Variants in SLC17A5 observed in about 807,000 individuals in gnomAD.
The protein encoded by SLC17A5 is sialin.
A neutral mutation model predicts 59.4 loss-of-function variants in SLC17A5; 47 were observed. The ratio of observed to expected loss-of-function variants is 0.79; its 90% CI spans 0.63 to 1.01. The LOEUF is 1.01. Among genes scored for constraint, SLC17A5 ranks in the 50% least tolerant of loss-of-function variants. SLC17A5 has a pLI of 0.00. For missense variants in SLC17A5, 522 were observed against 595.5 expected, an observed-to-expected ratio of 0.88 and a Z score of 1.28; for synonymous variants, 202 against 210.7, an observed-to-expected ratio of 0.96 and a Z score of 0.36.
At chr6:73,625,199 A>G (rs1363171988) in intron 6 of SLC17A5, among the ~76,000 whole-genome samples, 2 of 151,996 alleles carry the variant, frequency 1.3e-5, no homozygotes, top group Non-Finnish European at 2.9e-5. Flanking sequence ...ATTATTATTT[A>G]TTTATGAGAT....
chr6:73,625,364 T>C (rs1768357815), intron 6 of SLC17A5, among the ~76,000 whole-genome samples: 1 of 152,062 alleles, frequency 6.6e-6, no homozygotes, highest in South Asian at 2.1e-4. Flanking sequence ...TTTTTGTATT[T>C]TTAGTAGAGA....
chr6:73,613,468 C>T (rs1158063598), intron 8 of SLC17A5, among the ~76,000 whole-genome samples: 1 of 152,072 alleles, frequency 6.6e-6, no homozygotes, highest in Non-Finnish European at 1.5e-5. Context: ...TGGGTTCAAG[C>T]AATTCTCCTG....
chr6:73,620,427 A>C (rs942048987), intron 7 of SLC17A5, among the ~76,000 whole-genome samples: 2 of 152,214 alleles, frequency 1.3e-5, no homozygotes, highest in East Asian at 3.8e-4. Context: ...AGAACTTGGG[A>C]AAAATAAGAT....
In SLC17A5 at chr6:73,644,489, G is replaced by T; in HGVS notation, c.209C>A (p.Ser70Ter). The T allele has an allele frequency of 6.2e-7, 1 of 1,613,898 alleles. No homozygotes were observed. The highest frequency in any genetic ancestry group is 1.1e-5 in the South Asian group (1 of 91,062). The change falls in exon 2 of 11, where the codon TCA becomes TAA. Residue 70 changes from serine (S) to a stop codon, truncating the protein, a stop_gained. Transcript: ENST00000355773. LOFTEE classifies it high-confidence loss of function. ...LSVALVDMVD[S>*]NTTLEDNRTS... ...TCTATTATCTTCTAAAGTTGTATTT[G>T]AATCTACCATATCCACTAACGCAAC...
chr6:73,647,792 G>C (rs1250278491), intron 1 of SLC17A5, among the ~76,000 whole-genome samples: 1 of 152,232 alleles, frequency 6.6e-6, no homozygotes, highest in Non-Finnish European at 1.5e-5. Context: ...AAGCGGCCAG[G>C]CACGGTGGCT....
At chr6:73,627,989 C>A (rs140633010) in intron 6 of SLC17A5, among the ~76,000 whole-genome samples, 2,958 of 151,592 alleles carry the variant, frequency 0.02, 51 homozygotes, top group Non-Finnish European at 0.032. Context: ...GGCGCGATCA[C>A]GGCTACTGCA....
chr6:73,599,359 A>G (rs1252837531), intron 10 of SLC17A5, among the ~76,000 whole-genome samples: 3 of 151,970 alleles, frequency 2.0e-5, no homozygotes, highest in Non-Finnish European at 4.4e-5. Flanking sequence ...TACAGGTACA[A>G]ACCACACCCA....
At chr6:73,595,708 T>C (rs1241341569) in intron 10 of SLC17A5, among the ~76,000 whole-genome samples, 1 of 151,952 alleles carries the variant, frequency 6.6e-6, no homozygotes, top group African/African-American at 2.4e-5. Context: ...TTAGTGCATT[T>C]ATTTATTTTT....
chr6:73,630,768 C>T (rs1741899), intron 6 of SLC17A5, among the ~76,000 whole-genome samples: 24,840 of 151,952 alleles, frequency 0.16, 3,143 homozygotes, highest in African/African-American at 0.35. Flanking sequence ...GCAGTCAGGC[C>T]GGGTGTGGTG....
At position 73,635,339 on chromosome 6, in the gene SLC17A5, A is replaced by T. The variant is rs748821921; in HGVS notation, c.819+43T>A. 17 of 1,105,980 alleles carry T rather than the reference A, an allele frequency of 1.5e-5. No homozygotes were observed. The East Asian group carries it at 4.0e-4, about 26-fold the overall frequency. 68.5% of individuals were successfully genotyped at this position (1,105,980 alleles called of 1,614,324 possible). On this transcript the variant is annotated intron_variant, in intron 6 of 10. Coordinates refer to ENST00000355773, the MANE Select transcript of SLC17A5 (RefSeq NM_012434.5). ...AACTGATATCTTAATTCTGAAGAAA[A>T]AAAGTTTCTGACATTATTTTTAAAA... is the stretch of plus-strand genomic sequence containing the variant.
At chr6:73,622,993 C>G (rs1373450915) in intron 6 of SLC17A5, among the ~76,000 whole-genome samples, 3 of 152,144 alleles carry the variant, frequency 2.0e-5, no homozygotes, top group Non-Finnish European at 4.4e-5. Context: ...GGCATCCTCA[C>G]TTGTTTGTTT....
intron 7 of SLC17A5, among the ~76,000 whole-genome samples, chr6:73,620,180 C>T (rs903969318): frequency 1.3e-5 from 2 of 152,096 alleles, no homozygotes; most frequent in Non-Finnish European, 2.9e-5. Flanking sequence ...ACCTCGGCCT[C>T]CCAAAGTGCT....
intron 1 of SLC17A5, 60 bp from the exon 2 acceptor site, chr6:73,644,663 G>C (rs1769454695): frequency 2.0e-6 from 3 of 1,486,516 alleles, no homozygotes; most frequent in East Asian, 2.5e-5. Context: ...TTAGAGACAG[G>C]GTTTTGCCAT....
At chr6:73,596,598 T>A (rs1361210185) in intron 10 of SLC17A5, among the ~76,000 whole-genome samples, 1 of 152,218 alleles carries the variant, frequency 6.6e-6, no homozygotes, top group Non-Finnish European at 1.5e-5. Flanking sequence ...GGATCACGCC[T>A]GTAATCCCAG....
chr6:73,624,896 C>A (rs940251062), intron 6 of SLC17A5, among the ~76,000 whole-genome samples: 2 of 148,254 alleles, frequency 1.3e-5, no homozygotes, highest in African/African-American at 5.1e-5. Flanking sequence ...TATATATATA[C>A]ATTCAGATTG....
Position 73,653,781 on chromosome 6 carries a change from C to T in SLC17A5, c.94+12G>A. On this transcript the variant is annotated intron_variant, in intron 1 of 10. Coordinates refer to ENST00000355773, the MANE Select transcript of SLC17A5 (RefSeq NM_012434.5). ...TGCCCACTCGAAGCCCCTGGACGAC[C>T]CCGCCGCTTACCGGCTTCGGCCCGT... is the stretch of plus-strand genomic sequence containing the variant. 1 of 1,575,018 alleles carries T rather than the reference C, an allele frequency of 6.3e-7. No homozygotes were observed. The highest frequency in any genetic ancestry group is 1.2e-5 in the South Asian group (1 of 86,146).
chr6:73,653,969 G>C lies in SLC17A5; in HGVS notation c.-83C>G, dbSNP rs1197717377. 7.1e-6 allele frequency: 9 copies of C among 1,264,508 alleles called. No homozygotes were observed. Among genetic ancestry groups the C allele is most frequent in the Non-Finnish European group, 1.0e-5 (9 of 893,214 alleles). The allele number at this position is 1,264,508 out of a possible 1,614,324, so 78.3% of individuals were successfully genotyped here. A position where few individuals can be genotyped will look rare whatever the true frequency, so the allele number is the denominator to read the frequency against. The stretch of plus-strand genomic sequence containing the variant: ...CAGCCCGAAGCCCCCGGGCCGAGCT[G>C]GCTGGACCGGGCGGGGCGGGGGCGA... On this transcript the variant is annotated 5_prime_UTR_variant, in exon 1 of 11. Coordinates refer to ENST00000355773, the MANE Select transcript of SLC17A5 (RefSeq NM_012434.5).
chr6:73,638,452 G>A lies in SLC17A5; in HGVS notation c.573C>T (p.Pro191=), dbSNP rs924683894. The A allele has an allele frequency of 6.2e-7, 1 of 1,613,938 alleles. No homozygotes were observed. The highest frequency in any genetic ancestry group is 8.5e-7 in the Non-Finnish European group (1 of 1,179,968). ...AMHAMWSSWA[P]PLERSKLLSI... ...TAAGAAGTTTGCTTCTTTCAAGAGGGGGAGCCCAAGAAGACCACATGGCAT... is the reference window on the plus strand; with the variant it reads ...TAAGAAGTTTGCTTCTTTCAAGAGGAGGAGCCCAAGAAGACCACATGGCAT... Residue 191 remains proline (P), a synonymous_variant, in exon 4 of 11, where the codon CCC becomes CCT. Transcript: ENST00000355773.
intron 1 of SLC17A5, among the ~76,000 whole-genome samples, chr6:73,649,875 G>T (rs1264569451): frequency 6.6e-6 from 1 of 152,106 alleles, no homozygotes; most frequent in African/African-American, 2.4e-5. Flanking sequence ...GGGGCATGAG[G>T]TTCTCAGTGA....
Sources: allele counts gnomAD v4.1 joint callset (sites outside exome capture counted in the v4.1 genomes callset), GRCh38; gene constraint gnomAD v4.1.1; transcripts MANE v1.5; gene names NCBI Gene and HGNC (gene_info 2026-07-23, HGNC 2026-07-21).